Variants in DMRT1 observed in about 807,000 individuals in gnomAD.
DMRT1 encodes doublesex- and mab-3-related transcription factor 1.
A neutral mutation model predicts 32.3 loss-of-function variants in DMRT1; 7 were observed. The ratio of observed to expected loss-of-function variants is 0.22; its 90% CI spans 0.12 to 0.41. The LOEUF is 0.41. Ranked by LOEUF, DMRT1 falls within the 10% of genes least tolerant of loss-of-function variation. The pLI is 1.00. For missense variants in DMRT1, 625 were observed against 500.5 expected (o/e 1.25, Z -2.37); for synonymous variants, 278 against 206.1 (o/e 1.35, Z -2.99).
At chr9:902,546 A>G (rs1231862222) in intron 3 of DMRT1, among the ~76,000 whole-genome samples, 1 of 150,672 alleles carries the variant, frequency 6.6e-6, no homozygotes, top group Non-Finnish European at 1.5e-5. Context: ...GAGTACACCA[A>G]TGCAGTTTCT....
intron 2 of DMRT1, among the ~76,000 whole-genome samples, chr9:849,121 G>A (rs1273594107): frequency 6.6e-6 from 1 of 151,842 alleles, no homozygotes; most frequent in Non-Finnish European, 1.5e-5. Flanking sequence ...CTCATTTACA[G>A]ATAGGAAAAC....
chr9:846,101 G>A (rs1462218617), intron 1 of DMRT1, among the ~76,000 whole-genome samples: 1 of 148,120 alleles, frequency 6.8e-6, no homozygotes, highest in African/African-American at 2.5e-5. Flanking sequence ...TCGCGATCTC[G>A]GCTCACTGCA....
chr9:902,303 T>C (rs1157895456), intron 3 of DMRT1, among the ~76,000 whole-genome samples: 2 of 150,424 alleles, frequency 1.3e-5, no homozygotes, highest in East Asian at 4.0e-4. Context: ...TTGATACCCG[T>C]TGTCTCTCGC....
chr9:870,552 A>G (rs1249724478), intron 2 of DMRT1, among the ~76,000 whole-genome samples: 1 of 152,024 alleles, frequency 6.6e-6, no homozygotes, highest in Non-Finnish European at 1.5e-5. Flanking sequence ...TAGCCACAGC[A>G]TTGTAGTCTC....
At chr9:962,577 G>T (rs1168867299) in intron 4 of DMRT1, among the ~76,000 whole-genome samples, 1 of 151,622 alleles carries the variant, frequency 6.6e-6, no homozygotes, top group Non-Finnish European at 1.5e-5. Context: ...AGGTGGCACT[G>T]GGGACCCACC....
chr9:889,318 T>A (rs993517665), intron 2 of DMRT1, among the ~76,000 whole-genome samples: 2 of 152,236 alleles, frequency 1.3e-5, no homozygotes, highest in East Asian at 1.9e-4. Flanking sequence ...CTAACTTTTT[T>A]AAAGTGGTTA....
Position 968,327 on chromosome 9 carries a change from C to T in DMRT1, c.*188C>T. The T allele has an allele frequency of 1.5e-6, 1 of 656,496 alleles. No homozygotes were observed. The highest frequency in any genetic ancestry group is 2.6e-6 in the Non-Finnish European group (1 of 386,618). 40.7% of individuals were successfully genotyped at this position (656,496 alleles called of 1,614,324 possible). Reference sequence around the variant, plus strand: ...ATACTTTAGGGTCCGTGACTACCATCTGCATGGTTTAAGTGCTTTACTCAC... The same window carrying T: ...ATACTTTAGGGTCCGTGACTACCATTTGCATGGTTTAAGTGCTTTACTCAC... On this transcript the variant is annotated 3_prime_UTR_variant, in exon 5 of 5. Transcript: ENST00000382276.
At chr9:930,610 A>G (rs547675998) in intron 4 of DMRT1, among the ~76,000 whole-genome samples, 65 of 152,020 alleles carry the variant, frequency 4.3e-4, no homozygotes, top group East Asian at 9.8e-4. Flanking sequence ...GGGTTTCACC[A>G]TGTTAGCCAG....
intron 3 of DMRT1, among the ~76,000 whole-genome samples, chr9:899,386 C>T (rs960457548): frequency 3.9e-5 from 6 of 152,122 alleles, no homozygotes; most frequent in African/African-American, 9.7e-5. Context: ...AAGCAAGCCA[C>T]GAATAATTAC....
At chr9:850,732 T>C (rs917317320) in intron 2 of DMRT1, among the ~76,000 whole-genome samples, 3 of 78,550 alleles carry the variant, frequency 3.8e-5, no homozygotes, top group Non-Finnish European at 1.0e-4. Context: ...AATTCCACTG[T>C]ATAGATGTGA....
intron 2 of DMRT1, among the ~76,000 whole-genome samples, chr9:871,592 CTGCCTCCCAAAGTGCTGG>C (rs1816262631): frequency 2.1e-5 from 3 of 145,306 alleles, no homozygotes; most frequent in Non-Finnish European, 4.5e-5. Flanking sequence ...CCGCCCGCCT[CTGCCTCCCAAAGTGCTGG>C]GATTACAGAC....
chr9:868,306 T>G (rs112858948), intron 2 of DMRT1, among the ~76,000 whole-genome samples: 513 of 152,324 alleles, frequency 3.4e-3, no homozygotes, highest in African/African-American at 0.012. Flanking sequence ...AAGGCAAGCA[T>G]TATCCTGGAT....
intron 3 of DMRT1, among the ~76,000 whole-genome samples, chr9:905,760 A>G (rs1042171542): frequency 4.6e-5 from 7 of 152,056 alleles, no homozygotes; most frequent in African/African-American, 1.7e-4. Flanking sequence ...CATTTCATCC[A>G]TAAACACAGC....
chr9:869,441 C>G (rs1476250791), intron 2 of DMRT1, among the ~76,000 whole-genome samples: 2 of 152,172 alleles, frequency 1.3e-5, no homozygotes, highest in Non-Finnish European at 2.9e-5. Context: ...AATTGTGTAC[C>G]TTTTAAAATT....
At chr9:858,031 G>A (rs1815478248) in intron 2 of DMRT1, among the ~76,000 whole-genome samples, 1 of 151,918 alleles carries the variant, frequency 6.6e-6, no homozygotes. Flanking sequence ...TATTATTGTT[G>A]TACATTTGGG....
chr9:913,039 T>A lies in DMRT1; in HGVS notation c.823-3724T>A, dbSNP rs113631996. Among the ~76,000 whole-genome samples, 1,001 of 152,304 alleles carry A rather than the reference T, an allele frequency of 6.6e-3. 10 individuals are homozygous for A. The highest frequency in any genetic ancestry group is 0.023 in the African/African-American group (940 of 41,556). On this transcript the variant is annotated intron_variant, in intron 3 of 4. Transcript: ENST00000382276. Reference sequence around the variant, plus strand: ...GGCTTGCCTAAAATATATATACTGTTTGACATTTACAATAAAAAGTTTGCT... The same window carrying A: ...GGCTTGCCTAAAATATATATACTGTATGACATTTACAATAAAAAGTTTGCT...
At chr9:847,977 G>T (rs1451560279) in intron 2 of DMRT1, among the ~76,000 whole-genome samples, 4 of 152,142 alleles carry the variant, frequency 2.6e-5, no homozygotes, top group African/African-American at 9.7e-5. Flanking sequence ...AGTCTAATTC[G>T]ATGGCACTGG....
chr9:911,346 T>C (rs188886681), intron 3 of DMRT1, among the ~76,000 whole-genome samples: 31 of 152,306 alleles, frequency 2.0e-4, no homozygotes, highest in African/African-American at 7.2e-4. Context: ...AAGGCTTCGT[T>C]AATTTCCCAT....
chr9:924,429 T>C (rs1434861581), intron 4 of DMRT1, among the ~76,000 whole-genome samples: 2 of 152,194 alleles, frequency 1.3e-5, no homozygotes, highest in African/African-American at 4.8e-5. Context: ...TAATAACACA[T>C]GTATCTATTT....
Sources: allele counts gnomAD v4.1 joint callset (sites outside exome capture counted in the v4.1 genomes callset), GRCh38; gene constraint gnomAD v4.1.1; transcripts MANE v1.5; gene names NCBI Gene and HGNC (gene_info 2026-07-23, HGNC 2026-07-21).